The following GNG12 variants were observed in gnomAD, a reference collection of about 807,000 sequenced individuals.
GNG12 encodes the protein G protein subunit gamma 12.
For missense variants in GNG12, 69 were observed against 83.8 expected, an observed-to-expected ratio of 0.82 and a Z score of 0.69; for synonymous variants, 28 against 29.7, an observed-to-expected ratio of 0.94 and a Z score of 0.19.
intron 1 of GNG12, among the ~76,000 whole-genome samples, chr1:67,790,776 T>G (rs527366730): frequency 6.6e-6 from 1 of 152,162 alleles, no homozygotes; most frequent in East Asian, 1.9e-4. Flanking sequence ...CCACCACGTC[T>G]GGCTAATTTT....
intron 2 of GNG12, among the ~76,000 whole-genome samples, chr1:67,742,879 T>A (rs759344985): frequency 2.0e-5 from 3 of 152,102 alleles, no homozygotes; most frequent in African/African-American, 4.8e-5. Context: ...GTTTTATGGA[T>A]GATATTGACA....
At chr1:67,779,066 T>C (rs1164151751) in intron 1 of GNG12, among the ~76,000 whole-genome samples, 1 of 152,154 alleles carries the variant, frequency 6.6e-6, no homozygotes, top group Non-Finnish European at 1.5e-5. Flanking sequence ...AATCTTCTTT[T>C]GGTGATTTTT....
At chr1:67,811,478 G>C (rs1557625137) in intron 1 of GNG12, among the ~76,000 whole-genome samples, 2 of 152,098 alleles carry the variant, frequency 1.3e-5, no homozygotes. Flanking sequence ...ATACTTCCTG[G>C]GGTTTCCAGG....
chr1:67,806,784 T>TA (rs1464179883), intron 1 of GNG12, among the ~76,000 whole-genome samples: 2 of 152,002 alleles, frequency 1.3e-5, no homozygotes, highest in East Asian at 1.9e-4. Flanking sequence ...ATAAGCTAGG[T>TA]AAAAAACTAA....
At chr1:67,729,512 A>G (rs1646406900) in intron 2 of GNG12, among the ~76,000 whole-genome samples, 1 of 151,804 alleles carries the variant, frequency 6.6e-6, no homozygotes, top group Non-Finnish European at 1.5e-5. Context: ...TATTGGTTCT[A>G]TTTTCTAATC....
intron 2 of GNG12, among the ~76,000 whole-genome samples, chr1:67,724,282 G>A (rs11209143): frequency 0.43 from 65,425 of 151,980 alleles, 15,839 homozygotes; most frequent in South Asian, 0.56. Context: ...AGAACTGGAG[G>A]ATACAGTGGT....
chr1:67,808,821 T>C (rs1287086674), intron 1 of GNG12, among the ~76,000 whole-genome samples: 1 of 152,168 alleles, frequency 6.6e-6, no homozygotes, highest in East Asian at 1.9e-4. Context: ...AGAGAGTCCA[T>C]GTTCACAGAC....
chr1:67,763,974 G>A (rs1646621492), intron 2 of GNG12, among the ~76,000 whole-genome samples: 1 of 152,136 alleles, frequency 6.6e-6, no homozygotes, highest in Non-Finnish European at 1.5e-5. Flanking sequence ...TGTTTTAGTG[G>A]CTTTCACCTT....
At chr1:67,807,884 T>G (rs936065983) in intron 1 of GNG12, among the ~76,000 whole-genome samples, 2 of 152,098 alleles carry the variant, frequency 1.3e-5, no homozygotes, top group Non-Finnish European at 2.9e-5. Flanking sequence ...TCTAAACACT[T>G]AAGGATGAAA....
At chr1:67,806,444 A>G (rs1646894824) in intron 1 of GNG12, among the ~76,000 whole-genome samples, 2 of 152,060 alleles carry the variant, frequency 1.3e-5, no homozygotes, top group South Asian at 4.2e-4. Context: ...TGAAACCCAC[A>G]TATATGGAGG....
At chr1:67,749,629 G>A (rs899739761) in intron 2 of GNG12, among the ~76,000 whole-genome samples, 2 of 152,212 alleles carry the variant, frequency 1.3e-5, no homozygotes, top group Non-Finnish European at 2.9e-5. Flanking sequence ...CTGCACGACA[G>A]AGCAAAGGGC....
At chr1:67,787,067 G>GTA (rs201791724) in intron 1 of GNG12, among the ~76,000 whole-genome samples, 1,466 of 146,090 alleles carry the variant, frequency 0.01, 35 homozygotes, top group African/African-American at 0.038. Context: ...GTGTGTGTGT[G>GTA]TGTATAGTCC....
chr1:67,783,943 T>G (rs1646752385), intron 1 of GNG12, among the ~76,000 whole-genome samples: 1 of 150,274 alleles, frequency 6.7e-6, no homozygotes, highest in African/African-American at 2.4e-5. Flanking sequence ...AAATACCATT[T>G]GACCCAGCCA....
At chr1:67,722,593 G>A (rs1034624655) in intron 2 of GNG12, among the ~76,000 whole-genome samples, 2 of 151,590 alleles carry the variant, frequency 1.3e-5, no homozygotes, top group Admixed American at 1.3e-4. Context: ...AATCCTTGAA[G>A]GGTAGGAACT....
chr1:67,726,522 C>T (rs1646387398), intron 2 of GNG12, among the ~76,000 whole-genome samples: 1 of 152,154 alleles, frequency 6.6e-6, no homozygotes, highest in Non-Finnish European at 1.5e-5. Flanking sequence ...TGTGGCAGTG[C>T]TTTAGTTGAG....
At chr1:67,750,053 C>A (rs764031476) in intron 2 of GNG12, among the ~76,000 whole-genome samples, 40 of 152,182 alleles carry the variant, frequency 2.6e-4, no homozygotes, top group Non-Finnish European at 4.7e-4. Context: ...CAGAAGGTAC[C>A]CACTGCCCAG....
At chr1:67,720,186 A>T (rs1646348873) in intron 2 of GNG12, among the ~76,000 whole-genome samples, 1 of 152,064 alleles carries the variant, frequency 6.6e-6, no homozygotes, top group Admixed American at 6.6e-5. Context: ...CTGAACTTTC[A>T]CCTCCAGCAT....
At chr1:67,823,694 A>T (rs1646995958) in intron 1 of GNG12, among the ~76,000 whole-genome samples, 1 of 152,240 alleles carries the variant, frequency 6.6e-6, no homozygotes, top group Admixed American at 6.5e-5. Flanking sequence ...GCTGTACGGA[A>T]CCGGGACATC....
intron 1 of GNG12, among the ~76,000 whole-genome samples, chr1:67,790,465 G>C (rs1646795211): frequency 6.6e-6 from 1 of 152,176 alleles, no homozygotes; most frequent in Non-Finnish European, 1.5e-5. Context: ...AGGCAGCTCA[G>C]GGCATTCAAT....
Sources: allele counts gnomAD v4.1 joint callset (sites outside exome capture counted in the v4.1 genomes callset), GRCh38; gene constraint gnomAD v4.1.1; transcripts MANE v1.5; gene names NCBI Gene and HGNC (gene_info 2026-07-23, HGNC 2026-07-21).